NIBAN2: variants seen among roughly 807,000 people sequenced by gnomAD.
NIBAN2 encodes the protein niban apoptosis regulator 2, also known as protein Niban 2.
In NIBAN2, 36 loss-of-function variants were observed where a neutral mutation model predicts 81.8. The ratio of observed to expected loss-of-function variants is 0.44; its 90% CI spans 0.34 to 0.58. The LOEUF is 0.58. Ranked by LOEUF, NIBAN2 falls within the 20% of genes least tolerant of loss-of-function variation. NIBAN2 has a pLI of 0.02. For synonymous variants in NIBAN2, 445 were observed against 441.6 expected (o/e 1.01, Z -0.10); for missense variants, 897 against 1,014.1 (o/e 0.88, Z 1.57).
At chr9:127,560,137 G>A (rs1837744803) in intron 1 of NIBAN2, among the ~76,000 whole-genome samples, 2 of 152,162 alleles carry the variant, frequency 1.3e-5, no homozygotes, top group Non-Finnish European at 2.9e-5. Context: ...CCTGGGAAAG[G>A]ACTGAGTTTC....
At chr9:127,558,278 C>T (rs72767980) in intron 1 of NIBAN2, among the ~76,000 whole-genome samples, 18,427 of 152,138 alleles carry the variant, frequency 0.12, 1,309 homozygotes, top group Non-Finnish European at 0.17. Flanking sequence ...CAGCCCCACC[C>T]GGCCCAATCA....
intron 4 of NIBAN2, 108 bp downstream of exon 4, chr9:127,524,950 C>G (rs1837031845): frequency 1.5e-5 from 12 of 785,244 alleles, no homozygotes; most frequent in African/African-American, 3.4e-5. Flanking sequence ...CCTAGTTGGT[C>G]TCTCCGCAAA....
intron 1 of NIBAN2, among the ~76,000 whole-genome samples, chr9:127,553,196 T>C (rs1481807283): frequency 6.6e-6 from 1 of 152,152 alleles, no homozygotes; most frequent in Non-Finnish European, 1.5e-5. Context: ...ACAATAATAA[T>C]AAAAGGTGAA....
intron 8 of NIBAN2, among the ~76,000 whole-genome samples, chr9:127,515,089 G>A (rs868046354): frequency 6.6e-6 from 1 of 152,198 alleles, no homozygotes; most frequent in Non-Finnish European, 1.5e-5. Flanking sequence ...AGCCAGGCGT[G>A]GTGGCCTGCA....
intron 1 of NIBAN2, among the ~76,000 whole-genome samples, chr9:127,552,670 G>GTCTATACGAA (rs2132223532): frequency 6.8e-6 from 1 of 147,318 alleles, no homozygotes; most frequent in East Asian, 2.1e-4. Context: ...CTATTGAGGC[G>GTCTATACGAA]TAATGGAATA....
chr9:127,568,116 T>G, intron 1 of NIBAN2, among the ~76,000 whole-genome samples: 1 of 152,094 alleles, frequency 6.6e-6, no homozygotes, highest in East Asian at 1.9e-4. Context: ...TGTGCAGTAA[T>G]AGGCTGAGAG....
chr9:127,563,057 G>A lies in NIBAN2; in HGVS notation c.55+5763C>T, dbSNP rs1201744579. 6.6e-6 allele frequency among the ~76,000 whole-genome samples: 1 copy of A among 152,148 alleles called. No homozygotes were observed. The highest frequency in any genetic ancestry group is 1.5e-5 in the Non-Finnish European group (1 of 68,050). ...GAGTGGTTCCTAGTCCTGTTTTTCCGCTTCACTCCTTGGACAGCAGGGAGG... is the reference window on the plus strand; with the variant it reads ...GAGTGGTTCCTAGTCCTGTTTTTCCACTTCACTCCTTGGACAGCAGGGAGG... On this transcript the variant is annotated intron_variant, in intron 1 of 13. Coordinates refer to ENST00000373312, the MANE Select transcript of NIBAN2 (RefSeq NM_022833.4). This position sits in a 1 kb window ranked among gnomAD's most constrained non-coding sequence, Gnocchi z 4.1.
At chr9:127,519,250 A>G (rs919596280) in intron 5 of NIBAN2, among the ~76,000 whole-genome samples, 1 of 151,868 alleles carries the variant, frequency 6.6e-6, no homozygotes, top group African/African-American at 2.4e-5. Flanking sequence ...CCATTTCTGA[A>G]TTTTTGTCAC....
chr9:127,551,398 C>A (rs540058691), intron 1 of NIBAN2, among the ~76,000 whole-genome samples: 2 of 152,198 alleles, frequency 1.3e-5, no homozygotes, highest in East Asian at 3.9e-4. Context: ...TGGTGGGCAC[C>A]TGTAATCCCA....
chr9:127,524,408 C>T (rs995107253), intron 4 of NIBAN2, among the ~76,000 whole-genome samples: 8 of 152,228 alleles, frequency 5.3e-5, no homozygotes, highest in Admixed American at 6.5e-5. Flanking sequence ...TCTTTCTGCC[C>T]TGGCTCTGGG....
chr9:127,520,401 C>G (rs1180759448), intron 5 of NIBAN2, among the ~76,000 whole-genome samples: 1 of 151,948 alleles, frequency 6.6e-6, no homozygotes, highest in Non-Finnish European at 1.5e-5. Context: ...CCATGTCCAG[C>G]TAATTTTTGT....
chr9:127,558,391 T>C (rs989884322), intron 1 of NIBAN2, among the ~76,000 whole-genome samples: 26 of 152,188 alleles, frequency 1.7e-4, no homozygotes, highest in Non-Finnish European at 2.9e-4. Context: ...GTCAAGGCCC[T>C]GGGTTCCAGC....
In NIBAN2 at chr9:127,507,521, C is replaced by T; in HGVS notation, c.1655-90G>A. On this transcript the variant is annotated intron_variant, in intron 13 of 13. Coordinates refer to ENST00000373312, the MANE Select transcript of NIBAN2 (RefSeq NM_022833.4). The surrounding 1 kb of genome is among the most constrained non-coding windows in gnomAD (Gnocchi z 6.8). ...TCTGCTCAAAGAAGACCCGTCTCAT[C>T]CCGCCTTGGGGGTCTGTGGTTGGGA... The T allele has an allele frequency of 8.5e-7, 1 of 1,170,722 alleles. No individual in the cohort carries two copies. The highest frequency in any genetic ancestry group is 1.6e-5 in the African/African-American group (1 of 64,390). 72.5% of individuals were successfully genotyped at this position (1,170,722 alleles called of 1,614,324 possible).
upstream of NIBAN2, among the ~76,000 whole-genome samples, chr9:127,571,707 AC>A (rs1167394840): frequency 2.1e-4 from 14 of 65,270 alleles, no homozygotes; most frequent in South Asian, 2.8e-3. Flanking sequence ...ACAAAACAAA[AC>A]CAAAGAAAAA....
At chr9:127,562,857 A>T (rs1837796143) in intron 1 of NIBAN2, among the ~76,000 whole-genome samples, 1 of 152,218 alleles carries the variant, frequency 6.6e-6, no homozygotes, top group African/African-American at 2.4e-5. Flanking sequence ...AATAAAATGC[A>T]GCCTTTGGGG....
At chr9:127,509,152 G>C (rs1253165247) in intron 9 of NIBAN2, 21 bp from the exon 10 acceptor site, 3 of 1,599,362 alleles carry the variant, frequency 1.9e-6, no homozygotes, top group Non-Finnish European at 2.6e-6. Context: ...CGGGGCCGCG[G>C]GGGCTGAGCA....
At chr9:127,540,039 C>G (rs1282323177) in intron 1 of NIBAN2, among the ~76,000 whole-genome samples, 1 of 152,210 alleles carries the variant, frequency 6.6e-6, no homozygotes, top group Non-Finnish European at 1.5e-5. Context: ...CCAATGGGGG[C>G]TCCTAAGAAG....
chr9:127,524,956 G>A (rs182819256), intron 4 of NIBAN2, 102 bp downstream of exon 4: 63 of 854,194 alleles, frequency 7.4e-5, no homozygotes, highest in African/African-American at 6.0e-4. Context: ...TGGTCTCTCC[G>A]CAAACATGGG....
At chr9:127,512,987 A>T (rs1836764298) in intron 8 of NIBAN2, among the ~76,000 whole-genome samples, 1 of 152,202 alleles carries the variant, frequency 6.6e-6, no homozygotes, top group Non-Finnish European at 1.5e-5. Context: ...TAACAGACGA[A>T]TGGATAAAGA....
Sources: gnomAD v4.1 joint callset for allele counts (sites outside exome capture counted in the v4.1 genomes callset) on GRCh38, gnomAD v4.1.1 for gene constraint, Gnocchi (gnomAD v3.1) non-coding constraint, MANE v1.5 for transcripts, NCBI Gene and HGNC (gene_info 2026-07-23, HGNC 2026-07-21) for gene names.